The following PCDH15 variants were observed in gnomAD, a reference collection of about 807,000 sequenced individuals.
The protein encoded by PCDH15 is protocadherin-15.
A neutral mutation model predicts 178.5 loss-of-function variants in PCDH15; 129 were observed. That is an observed-to-expected ratio of 0.72 (90% CI 0.63 to 0.84). The LOEUF (loss-of-function observed/expected upper bound fraction) is 0.84. Ranked by LOEUF, PCDH15 falls within the 40% of genes least tolerant of loss-of-function variation. The pLI is 0.00. For missense variants in PCDH15, 2,230 were observed against 2,099.9 expected, an observed-to-expected ratio of 1.06 and a Z score of -1.21; for synonymous variants, 800 against 732.0, an observed-to-expected ratio of 1.09 and a Z score of -1.50.
intron 8 of PCDH15, among the ~76,000 whole-genome samples, chr10:54,244,762 T>C (rs1430776391): frequency 2.6e-5 from 4 of 152,144 alleles, no homozygotes; most frequent in South Asian, 2.1e-4. Flanking sequence ...CTCCCCTTCA[T>C]TCCCATCGTG....
chr10:54,716,366 A>G (rs1218798058), intron 1 of PCDH15, among the ~76,000 whole-genome samples: 1 of 152,136 alleles, frequency 6.6e-6, no homozygotes, highest in East Asian at 1.9e-4. Context: ...ACAATAGAAA[A>G]TGATATTGAT....
At chr10:55,306,569 G>A (rs1409104467) in intron 1 of PCDH15, among the ~76,000 whole-genome samples, 1 of 152,154 alleles carries the variant, frequency 6.6e-6, no homozygotes, top group African/African-American at 2.4e-5. Flanking sequence ...AGAGTTCTGA[G>A]TATTCTATAA....
chr10:54,411,347 A>T (rs1452287686), intron 3 of PCDH15, among the ~76,000 whole-genome samples: 2 of 152,234 alleles, frequency 1.3e-5, no homozygotes. Flanking sequence ...AATTTAAAAA[A>T]TGACAACTGT....
In PCDH15 at chr10:54,220,046, A is replaced by G. The variant is rs192212204; in HGVS notation, c.986-5998T>C. On this transcript the variant is annotated intron_variant, in intron 9 of 37. Coordinates refer to ENST00000644397, the MANE Select transcript of PCDH15 (RefSeq NM_001384140.1). ...TATTTTTAAATAAGAGTTTTCAAAAATGCAATATAATTTATCATTTGCTTT... is the reference window on the plus strand; with the variant it reads ...TATTTTTAAATAAGAGTTTTCAAAAGTGCAATATAATTTATCATTTGCTTT... 6.0e-3 allele frequency among the ~76,000 whole-genome samples: 915 copies of G among 152,272 alleles called. 9 individuals carry two copies. The highest frequency in any genetic ancestry group is 0.018 in the African/African-American group (751 of 41,544).
chr10:53,850,123 T>C (rs2132917201), intron 28 of PCDH15, among the ~76,000 whole-genome samples: 1 of 152,066 alleles, frequency 6.6e-6, no homozygotes, highest in South Asian at 2.1e-4. Context: ...CTCTCAAAAA[T>C]AGAACAGAAC....
chr10:55,288,958 T>C (rs1842943509), intron 1 of PCDH15, among the ~76,000 whole-genome samples: 1 of 151,862 alleles, frequency 6.6e-6, no homozygotes, highest in Admixed American at 6.6e-5. Flanking sequence ...CCAAATTGTT[T>C]CCCATATCCA....
chr10:55,499,912 C>T (rs10825532), intron 2 of PCDH15, among the ~76,000 whole-genome samples: 63,382 of 151,292 alleles, frequency 0.42, 13,935 homozygotes, highest in East Asian at 0.81. Context: ...CTTAATGCAT[C>T]GAAATAATTA....
At chr10:53,921,158 A>T (rs1020933687) in intron 25 of PCDH15, among the ~76,000 whole-genome samples, 1 of 152,172 alleles carries the variant, frequency 6.6e-6, no homozygotes, top group Non-Finnish European at 1.5e-5. Flanking sequence ...ATCTTCTCCC[A>T]AACTTCTGAG....
At chr10:55,576,049 T>C (rs908576768) in intron 2 of PCDH15, among the ~76,000 whole-genome samples, 1 of 152,138 alleles carries the variant, frequency 6.6e-6, no homozygotes, top group African/African-American at 2.4e-5. Context: ...AGTTGAATAT[T>C]CAGTTGACTC....
chr10:54,168,493 A>G (rs1590919481), intron 13 of PCDH15, among the ~76,000 whole-genome samples: 1 of 151,980 alleles, frequency 6.6e-6, no homozygotes, highest in Non-Finnish European at 1.5e-5. Context: ...CCTCCACCCT[A>G]TAATCTTTTT....
At chr10:53,849,660 CTAG>C (rs1377121734) in intron 28 of PCDH15, among the ~76,000 whole-genome samples, 2 of 151,780 alleles carry the variant, frequency 1.3e-5, no homozygotes, top group Admixed American at 6.6e-5. Context: ...GTCAGGAGAT[CTAG>C]ACCATTGTGG....
intron 21 of PCDH15, among the ~76,000 whole-genome samples, chr10:53,978,828 C>T (rs765126214): frequency 2.0e-5 from 3 of 152,130 alleles, no homozygotes; most frequent in African/African-American, 4.8e-5. Flanking sequence ...CAAAATGCTG[C>T]GTCTCTATGC....
intron 2 of PCDH15, among the ~76,000 whole-genome samples, chr10:54,649,523 T>C (rs1339047671): frequency 6.6e-6 from 1 of 152,118 alleles, no homozygotes; most frequent in Admixed American, 6.6e-5. Flanking sequence ...ATGCCTAAGC[T>C]GAAGAGCTCT....
intron 3 of PCDH15, among the ~76,000 whole-genome samples, chr10:54,876,451 A>T (rs1954145394): frequency 6.6e-6 from 1 of 152,182 alleles, no homozygotes; most frequent in African/African-American, 2.4e-5. Context: ...ATAGATAGTG[A>T]TTCTTACAAG....
At chr10:55,558,779 T>C (rs1186497545) in intron 2 of PCDH15, among the ~76,000 whole-genome samples, 1 of 152,110 alleles carries the variant, frequency 6.6e-6, no homozygotes, top group Non-Finnish European at 1.5e-5. Flanking sequence ...CCCTCACAGA[T>C]TCCTGAAATG....
At chr10:55,100,029 C>A (rs1451249256) in intron 2 of PCDH15, among the ~76,000 whole-genome samples, 1 of 152,072 alleles carries the variant, frequency 6.6e-6, no homozygotes, top group East Asian at 1.9e-4. Context: ...AGAACACATT[C>A]AATACAATTT....
intron 21 of PCDH15, among the ~76,000 whole-genome samples, chr10:53,963,254 C>G (rs980424881): frequency 1.3e-5 from 2 of 152,090 alleles, no homozygotes; most frequent in African/African-American, 2.4e-5. Flanking sequence ...TTGTATAATT[C>G]CCTATTTTCT....
intron 2 of PCDH15, among the ~76,000 whole-genome samples, chr10:54,989,535 A>G (rs1839451481): frequency 6.6e-6 from 1 of 152,182 alleles, no homozygotes; most frequent in South Asian, 2.1e-4. Flanking sequence ...ACATGGAGTC[A>G]AAGGAGGTCA....
chr10:54,253,745 G>T (rs578196870), intron 8 of PCDH15, among the ~76,000 whole-genome samples: 102 of 152,072 alleles, frequency 6.7e-4, no homozygotes, highest in African/African-American at 2.1e-3. Flanking sequence ...ATATGGTAAT[G>T]CTTGCTATAA....
Sources: allele counts gnomAD v4.1 joint callset (sites outside exome capture counted in the v4.1 genomes callset), GRCh38; gene constraint gnomAD v4.1.1; transcripts MANE v1.5; gene names NCBI Gene and HGNC (gene_info 2026-07-23, HGNC 2026-07-21).